SLC6A6: variants seen among roughly 807,000 people sequenced by gnomAD.
SLC6A6 encodes the protein solute carrier family 6 member 6, also known as sodium- and chloride-dependent taurine transporter.
A neutral mutation model predicts 68.8 loss-of-function variants in SLC6A6; 16 were observed. That is an observed-to-expected ratio of 0.23 (90% CI 0.16 to 0.35). The LOEUF (loss-of-function observed/expected upper bound fraction) is 0.35. Ranked by LOEUF, SLC6A6 falls within the 10% of genes least tolerant of loss-of-function variation. The pLI is 1.00. For missense variants in SLC6A6, 474 were observed against 802.8 expected (o/e 0.59, Z 4.95); for synonymous variants, 312 against 315.4 (o/e 0.99, Z 0.12).
At chr3:14,438,362 G>C (rs1301319940) in intron 2 of SLC6A6, among the ~76,000 whole-genome samples, 1 of 152,152 alleles carries the variant, frequency 6.6e-6, no homozygotes, top group Non-Finnish European at 1.5e-5. Context: ...GGCACAGAGA[G>C]GTTGTTACTT....
intron 2 of SLC6A6, 28 bp from the exon 3 acceptor site, chr3:14,443,596 C>A: frequency 6.9e-7 from 1 of 1,447,344 alleles, no homozygotes; most frequent in Non-Finnish European, 9.6e-7. Context: ...TCATCAGCTG[C>A]AGGATGCTTC....
chr3:14,463,987 C>G (rs1022198052), intron 6 of SLC6A6, among the ~76,000 whole-genome samples: 2 of 152,166 alleles, frequency 1.3e-5, no homozygotes, highest in African/African-American at 4.8e-5. Context: ...GCCCAGGTCA[C>G]CAGCAAGGGG....
chr3:14,481,509 CG>C lies in SLC6A6; in HGVS notation c.1552-155del, dbSNP rs369786603. ...ACGACTTACTGTGTTTTTACCGGGG[CG>C]GGGGGGATCCTTATGGCAGCAGAGA... On this transcript the variant is annotated intron_variant, in intron 13 of 14. Coordinates refer to ENST00000622186, the MANE Select transcript of SLC6A6 (RefSeq NM_003043.6). This position sits in a 1 kb window ranked among gnomAD's most constrained non-coding sequence, Gnocchi z 4.7. 6.6e-6 allele frequency among the ~76,000 whole-genome samples: 1 copy of C among 150,988 alleles called. No individual in the cohort carries two copies. Among genetic ancestry groups the C allele is most frequent in the Non-Finnish European group, 1.5e-5 (1 of 67,740 alleles).
chr3:14,453,218 C>T (rs1233695844), intron 5 of SLC6A6, among the ~76,000 whole-genome samples: 6 of 152,210 alleles, frequency 3.9e-5, no homozygotes, highest in Admixed American at 2.6e-4. Context: ...CTCTGAGTGC[C>T]GGCTGGACGG....
At chr3:14,457,857 A>G in intron 5 of SLC6A6, 93 bp from the exon 6 acceptor site, 1 of 1,264,460 alleles carries the variant, frequency 7.9e-7, no homozygotes. Flanking sequence ...CTCAGGTGGG[A>G]TTTGACCCCC....
In SLC6A6 at chr3:14,450,734, G is replaced by A. The variant is rs1700234107; in HGVS notation, c.599+2918G>A. On this transcript the variant is annotated intron_variant, in intron 5 of 14. Coordinates refer to ENST00000622186, the MANE Select transcript of SLC6A6 (RefSeq NM_003043.6). This position sits in a 1 kb window ranked among gnomAD's most constrained non-coding sequence, Gnocchi z 4.1. ...TACACCAGGGGACAGCTCAGTTCCA[G>A]CCCTGAGCCAGGTGCCGTGGGCAAG... Among the ~76,000 whole-genome samples the A allele has an allele frequency of 6.6e-6, 1 of 152,222 alleles. No individual in the cohort carries two copies. The highest frequency in any genetic ancestry group is 6.5e-5 in the Admixed American group (1 of 15,280).
At chr3:14,418,228 C>A (rs1291760277) in intron 2 of SLC6A6, among the ~76,000 whole-genome samples, 1 of 152,194 alleles carries the variant, frequency 6.6e-6, no homozygotes. Flanking sequence ...AAAACCCTGG[C>A]TTCCTGGGCA....
chr3:14,446,392 A>G (rs757122619), intron 4 of SLC6A6, among the ~76,000 whole-genome samples: 6 of 152,226 alleles, frequency 3.9e-5, no homozygotes, highest in Admixed American at 3.9e-4. Flanking sequence ...GATGGGAGCA[A>G]CAGACGCTGG....
At chr3:14,448,553 G>A (rs1020576899) in intron 5 of SLC6A6, among the ~76,000 whole-genome samples, 17 of 152,090 alleles carry the variant, frequency 1.1e-4, no homozygotes, top group South Asian at 2.1e-4. Context: ...AACAAGAAAC[G>A]GTCAATCCCC....
chr3:14,444,999 A>G (rs1042167903), intron 3 of SLC6A6: 3 of 376,282 alleles, frequency 8.0e-6, no homozygotes, highest in African/African-American at 6.4e-5. Flanking sequence ...TGCCCTGGGC[A>G]GGCCTGGGGA....
intron 2 of SLC6A6, among the ~76,000 whole-genome samples, chr3:14,443,303 G>A (rs746577466): frequency 6.6e-6 from 1 of 152,206 alleles, no homozygotes; most frequent in Non-Finnish European, 1.5e-5. Flanking sequence ...TAGGGCTGGG[G>A]TGCAGGCTGA....
intron 10 of SLC6A6, among the ~76,000 whole-genome samples, chr3:14,475,367 A>G (rs1472993641): frequency 5.3e-5 from 8 of 151,730 alleles, no homozygotes; most frequent in Non-Finnish European, 2.9e-5. Flanking sequence ...GTGAGAGGAG[A>G]TGAGAGTTGG....
chr3:14,409,302 G>T (rs1699183112), intron 1 of SLC6A6, among the ~76,000 whole-genome samples: 1 of 152,236 alleles, frequency 6.6e-6, no homozygotes, highest in Admixed American at 6.5e-5. Context: ...TGCCAGCTCA[G>T]TAAATGAAAT....
At chr3:14,475,592 A>G (rs1574965000) in intron 10 of SLC6A6, among the ~76,000 whole-genome samples, 1 of 152,132 alleles carries the variant, frequency 6.6e-6, no homozygotes, top group Non-Finnish European at 1.5e-5. Context: ...GCTGGTGGAG[A>G]AGGGCAGTGT....
At chr3:14,467,783 G>T in intron 7 of SLC6A6, 70 bp from the exon 8 acceptor site, 1 of 907,682 alleles carries the variant, frequency 1.1e-6, no homozygotes, top group African/African-American at 1.7e-5. Context: ...CATAACCCTC[G>T]CTGCCTCCTC....
chr3:14,422,744 C>T (rs1410403379), intron 2 of SLC6A6, among the ~76,000 whole-genome samples: 1 of 152,224 alleles, frequency 6.6e-6, no homozygotes, highest in African/African-American at 2.4e-5. Flanking sequence ...ACCCTCACTC[C>T]TCTTGCTCTG....
chr3:14,439,178 T>G (rs1699926923), intron 2 of SLC6A6, among the ~76,000 whole-genome samples: 1 of 152,250 alleles, frequency 6.6e-6, no homozygotes, highest in South Asian at 2.1e-4. Context: ...CTTGAGCCTC[T>G]CTCTCCTTTC....
chr3:14,439,412 GCT>G (rs2124937101), intron 2 of SLC6A6, among the ~76,000 whole-genome samples: 2 of 152,354 alleles, frequency 1.3e-5, no homozygotes, highest in East Asian at 3.9e-4. Context: ...CTGGCACGGG[GCT>G]GCACCTGCCT....
At chr3:14,403,301 T>A (rs186059715) in intron 1 of SLC6A6, among the ~76,000 whole-genome samples, 212 of 152,270 alleles carry the variant, frequency 1.4e-3, no homozygotes, top group African/African-American at 4.8e-3. Flanking sequence ...CTGTGTGTGA[T>A]ACCTGAGTGT....
Sources: gnomAD v4.1 joint callset for allele counts (sites outside exome capture counted in the v4.1 genomes callset) on GRCh38, gnomAD v4.1.1 for gene constraint, Gnocchi (gnomAD v3.1) non-coding constraint, MANE v1.5 for transcripts, NCBI Gene and HGNC (gene_info 2026-07-23, HGNC 2026-07-21) for gene names.